The following DOCK7 variants were observed in gnomAD, a reference collection of about 807,000 sequenced individuals.
The protein encoded by DOCK7 is dedicator of cytokinesis 7.
DOCK7 carries 138 observed loss-of-function variants against 271.0 expected under a neutral mutation model. The ratio of observed to expected loss-of-function variants is 0.51; its 90% CI spans 0.44 to 0.59. The LOEUF (loss-of-function observed/expected upper bound fraction) is 0.59. Among genes scored for constraint, DOCK7 ranks in the 20% least tolerant of loss-of-function variants. The pLI is 0.00. For synonymous variants in DOCK7, 823 were observed against 876.1 expected (o/e 0.94, Z 1.07); for missense variants, 2,066 against 2,592.4 (o/e 0.80, Z 4.41).
Position 62,631,140 on chromosome 1 carries a change from G to A in DOCK7, c.1282+100C>T, listed in dbSNP as rs990083705. ...GCAAAGGTTGCAGTGAGCCAAGATC[G>A]TGCCACTGCCCTCCAGCCTAGGCCA... On this transcript the variant is annotated intron_variant, in intron 11 of 49. Transcript: ENST00000635253. The A allele has an allele frequency of 6.7e-5, 72 of 1,069,264 alleles. No homozygotes were observed. The East Asian group carries it at 1.3e-3, about 19-fold the overall frequency. 66.2% of individuals were successfully genotyped at this position (1,069,264 alleles called of 1,614,324 possible). A position where few individuals can be genotyped will look rare whatever the true frequency, so the allele number is the denominator to read the frequency against.
rs1303759636 is a variant in DOCK7, at chr1:62,586,639, G to C, written c.1683-15C>G. On this transcript the variant is annotated splice_polypyrimidine_tract_variant and intron_variant, in intron 14 of 49. Transcript: ENST00000635253. ...AGAGAAGATTTCTGTGAAAGCAACA[G>C]TATAGATGATAGTAAATACATATCT... The C allele has an allele frequency of 6.8e-6, 10 of 1,479,536 alleles. No homozygotes were observed. The highest frequency in any genetic ancestry group is 9.4e-6 in the Non-Finnish European group (10 of 1,066,218). The allele number at this position is 1,479,536 out of a possible 1,614,324, so 91.7% of individuals were successfully genotyped here. A position where few individuals can be genotyped will look rare whatever the true frequency, so the allele number is the denominator to read the frequency against.
chr1:62,688,272 G>C lies in DOCK7; in HGVS notation c.-8C>G. 1 of 1,299,500 alleles carries C rather than the reference G, an allele frequency of 7.7e-7. No homozygotes were observed. The highest frequency in any genetic ancestry group is 2.2e-5 in the South Asian group (1 of 44,452). 80.5% of individuals were successfully genotyped at this position (1,299,500 alleles called of 1,614,324 possible). ...GGCGCGGCGCTCGGCCATGGCTGCT[G>C]CGGCGACGGCGACGGCGGCGGCGGC... On this transcript the variant is annotated 5_prime_UTR_variant, in exon 1 of 50. Coordinates refer to ENST00000635253, the MANE Select transcript of DOCK7 (RefSeq NM_001367561.1).
chr1:62,628,558 T>G (rs1654227533), intron 11 of DOCK7: 1 of 152,210 alleles, frequency 6.6e-6, no homozygotes, highest in Non-Finnish European at 1.5e-5. Context: ...AATGGATTAT[T>G]ATAAACCTAA....
At chr1:62,610,212 T>A (rs1403095442) in intron 14 of DOCK7, among the ~76,000 whole-genome samples, 1 of 152,092 alleles carries the variant, frequency 6.6e-6, no homozygotes, top group Non-Finnish European at 1.5e-5. Flanking sequence ...CAGAGTGGTA[T>A]AACAAGGACA....
At chr1:62,581,058 T>C (rs931164126) in intron 16 of DOCK7, among the ~76,000 whole-genome samples, 81 of 152,190 alleles carry the variant, frequency 5.3e-4, no homozygotes, top group Admixed American at 4.9e-3. Flanking sequence ...CTAAAATATA[T>C]ACCATCCAGT....
rs372191196 is a variant in DOCK7, at chr1:62,468,304, T to C, written c.6212+5678A>G. 7.6e-4 allele frequency among the ~76,000 whole-genome samples: 106 copies of C among 139,220 alleles called. 1 individual carries two copies. The highest frequency in any genetic ancestry group is 2.9e-3 in the African/African-American group (104 of 36,196). 91.3% of individuals were successfully genotyped at this position (139,220 alleles called of 152,430 possible). A position where few individuals can be genotyped will look rare whatever the true frequency, so the allele number is the denominator to read the frequency against. On this transcript the variant is annotated intron_variant, in intron 48 of 49. Transcript: ENST00000635253. Reference sequence around the variant, plus strand: ...TGAACCCGGGAGGCAGAGGTTGCAGTGAGCCAAGATCGCGCCATTGCACTC... The same window carrying C: ...TGAACCCGGGAGGCAGAGGTTGCAGCGAGCCAAGATCGCGCCATTGCACTC...
intron 14 of DOCK7, chr1:62,604,283 C>A: frequency 1.9e-6 from 3 of 1,596,048 alleles, no homozygotes; most frequent in Non-Finnish European, 1.7e-6. Context: ...TTCAAAGTAT[C>A]TTCCCACATT....
chr1:62,605,040 T>G, intron 14 of DOCK7: 1 of 474,440 alleles, frequency 2.1e-6, no homozygotes, highest in Non-Finnish European at 3.7e-6. Flanking sequence ...GTTTTAAATT[T>G]TGTGATGTGG....
chr1:62,511,844 C>T (rs1006854349), intron 33 of DOCK7, among the ~76,000 whole-genome samples: 1 of 151,910 alleles, frequency 6.6e-6, no homozygotes, highest in African/African-American at 2.4e-5. Flanking sequence ...TCCCACGAAA[C>T]TCTCAATAGT....
intron 1 of DOCK7, among the ~76,000 whole-genome samples, chr1:62,686,487 C>A (rs77897785): frequency 1.2e-3 from 1 of 850 alleles, no homozygotes; most frequent in African/African-American, 1.2e-3. Flanking sequence ...CGCGCCCGGC[C>A]AGTAATAACA....
At chr1:62,654,667 T>C (rs574105285) in intron 2 of DOCK7, among the ~76,000 whole-genome samples, 28 of 152,238 alleles carry the variant, frequency 1.8e-4, no homozygotes, top group African/African-American at 5.8e-4. Context: ...TGTCACCTTA[T>C]ATGGAAAAAA....
Position 62,513,429 on chromosome 1 carries a change from T to C in DOCK7, c.4282+15A>G, listed in dbSNP as rs1198791614. ...ATTACAATATACAACTCAAGGAAAT[T>C]GAAGAAATTCTCACCAGGAGGAGAA... On this transcript the variant is annotated intron_variant, in intron 33 of 49. Coordinates refer to ENST00000635253, the MANE Select transcript of DOCK7 (RefSeq NM_001367561.1). 2 of 1,581,480 alleles carry C rather than the reference T, an allele frequency of 1.3e-6. No individual in the cohort carries two copies. Among genetic ancestry groups the C allele is most frequent in the Admixed American group, 2.0e-5 (1 of 51,098 alleles).
At chr1:62,628,108 A>G (rs1654173295) in intron 11 of DOCK7, 1 of 152,222 alleles carries the variant, frequency 6.6e-6, no homozygotes, top group Non-Finnish European at 1.5e-5. Context: ...ATTAAAGCGC[A>G]TTACATTTAT....
intron 7 of DOCK7, among the ~76,000 whole-genome samples, chr1:62,643,813 A>C (rs1403147875): frequency 6.6e-6 from 1 of 151,828 alleles, no homozygotes; most frequent in Non-Finnish European, 1.5e-5. Flanking sequence ...ATTTTGTATA[A>C]ATTTGTTCAG....
chr1:62,603,620 C>T (rs1336196560), intron 14 of DOCK7, among the ~76,000 whole-genome samples: 1 of 151,702 alleles, frequency 6.6e-6, no homozygotes, highest in African/African-American at 2.4e-5. Flanking sequence ...AAATAGCTGA[C>T]AGTAAAGTTT....
intron 31 of DOCK7, among the ~76,000 whole-genome samples, chr1:62,516,595 A>G (rs72913255): frequency 1.2e-3 from 187 of 152,310 alleles, no homozygotes; most frequent in African/African-American, 4.4e-3. Flanking sequence ...TACATTTTCT[A>G]GGCCAAGATT....
At chr1:62,509,135 A>G (rs1266536583) in intron 34 of DOCK7, among the ~76,000 whole-genome samples, 1 of 152,012 alleles carries the variant, frequency 6.6e-6, no homozygotes, top group Non-Finnish European at 1.5e-5. Flanking sequence ...CAGCCTGCAC[A>G]ACATGGCAAA....
At chr1:62,665,098 T>G (rs1300676683) in intron 1 of DOCK7, among the ~76,000 whole-genome samples, 1 of 152,188 alleles carries the variant, frequency 6.6e-6, no homozygotes, top group Non-Finnish European at 1.5e-5. Context: ...GCGATTCTCC[T>G]GCCTCAGCCT....
At chr1:62,532,794 T>C (rs1351084577) in intron 29 of DOCK7, among the ~76,000 whole-genome samples, 4 of 152,108 alleles carry the variant, frequency 2.6e-5, no homozygotes, top group African/African-American at 9.7e-5. Flanking sequence ...TGCAAAGGCC[T>C]GAAGGTGGGA....
Sources: allele counts gnomAD v4.1 joint callset (sites outside exome capture counted in the v4.1 genomes callset), GRCh38; gene constraint gnomAD v4.1.1; transcripts MANE v1.5; gene names NCBI Gene and HGNC (gene_info 2026-07-23, HGNC 2026-07-21).